Variants in PCNX1 observed in about 807,000 individuals in gnomAD.
PCNX1 encodes the protein pecanex-like protein 1.
In PCNX1, 78 loss-of-function variants were observed where a neutral mutation model predicts 242.2. That is an observed-to-expected ratio of 0.32 (90% CI 0.27 to 0.39). PCNX1 has a LOEUF of 0.39. PCNX1 is among the 10% of genes least tolerant of loss of function. PCNX1 has a pLI of 1.00. For missense variants in PCNX1, 2,581 were observed against 2,856.5 expected, an observed-to-expected ratio of 0.90 and a Z score of 2.20; for synonymous variants, 1,024 against 1,032.9, an observed-to-expected ratio of 0.99 and a Z score of 0.17.
chr14:71,006,105 G>C (rs1262229609), intron 8 of PCNX1, among the ~76,000 whole-genome samples: 1 of 522 alleles, frequency 1.9e-3, no homozygotes, highest in African/African-American at 0.012. Context: ...GTGTGTGTCT[G>C]TGTGTGTGTG....
intron 1 of PCNX1, among the ~76,000 whole-genome samples, chr14:70,918,519 AAG>A (rs2140066406): frequency 6.6e-6 from 1 of 152,360 alleles, no homozygotes; most frequent in Non-Finnish European, 1.5e-5. Context: ...AGTAAAGAAA[AAG>A]TATGAAATAT....
At chr14:71,062,362 T>TTAA in intron 26 of PCNX1, among the ~76,000 whole-genome samples, 2 of 151,814 alleles carry the variant, frequency 1.3e-5, no homozygotes, top group Admixed American at 1.3e-4. Flanking sequence ...TGTTTGTGTC[T>TTAA]TAGTTTTTAA....
intron 16 of PCNX1, among the ~76,000 whole-genome samples, chr14:71,029,410 G>A (rs1279355531): frequency 2.6e-5 from 4 of 152,098 alleles, no homozygotes; most frequent in African/African-American, 7.2e-5. Context: ...AGGGTTGAAA[G>A]GACTATGACA....
chr14:70,932,914 G>A (rs2056861289), intron 1 of PCNX1, among the ~76,000 whole-genome samples: 1 of 151,992 alleles, frequency 6.6e-6, no homozygotes, highest in Non-Finnish European at 1.5e-5. Flanking sequence ...GCCCGGCCAA[G>A]AAGTTTTTAT....
chr14:71,011,750 A>G (rs2059827351), intron 10 of PCNX1: 2 of 548,128 alleles, frequency 3.6e-6, no homozygotes. Context: ...TACAAGGTTA[A>G]GAAACCCTGG....
At chr14:71,028,889 G>A (rs962997680) in intron 16 of PCNX1, 98 bp downstream of exon 16, 22 of 638,570 alleles carry the variant, frequency 3.4e-5, no homozygotes, top group African/African-American at 1.9e-4. Context: ...CCCTGGTATC[G>A]CTTAGCATTA....
chr14:71,086,626 C>T (rs1375018352), intron 28 of PCNX1, among the ~76,000 whole-genome samples: 1 of 152,186 alleles, frequency 6.6e-6, no homozygotes, highest in Admixed American at 6.5e-5. Flanking sequence ...CTTTGTATTC[C>T]ATTCGGATGA....
In PCNX1 at chr14:70,907,616, G is replaced by A; in HGVS notation, c.-235G>A. ...TCAGAAGGCCGGTCTCCTCCTCTCC[G>A]CCGTCCTCCGCCCCGCCGCTCGCCG... On this transcript the variant is annotated 5_prime_UTR_variant, in exon 1 of 36. Transcript: ENST00000304743. 3.6e-6 allele frequency: 1 copy of A among 280,578 alleles called. No individual in the cohort carries two copies. Among genetic ancestry groups the A allele is most frequent in the Non-Finnish European group, 6.2e-6 (1 of 161,332 alleles). 17.4% of individuals were successfully genotyped at this position (280,578 alleles called of 1,614,324 possible). A position where few individuals can be genotyped will look rare whatever the true frequency, so the allele number is the denominator to read the frequency against.
intron 2 of PCNX1, 65 bp downstream of exon 2, chr14:70,947,188 G>A (rs2057491063): frequency 8.6e-7 from 1 of 1,168,088 alleles, no homozygotes; most frequent in Non-Finnish European, 1.3e-6. Flanking sequence ...ATAATGATGT[G>A]ATTATTATAT....
intron 28 of PCNX1, among the ~76,000 whole-genome samples, chr14:71,086,251 G>A (rs1047691297): frequency 6.6e-6 from 1 of 152,148 alleles, no homozygotes; most frequent in Admixed American, 6.6e-5. Flanking sequence ...AGTTAAAATA[G>A]TTGTTTTAAT....
Position 70,978,311 on chromosome 14 carries a change from C to T in PCNX1, c.1974C>T (p.His658=), listed in dbSNP as rs376762232. 125 of 1,614,050 alleles carry T rather than the reference C, an allele frequency of 7.7e-5. No individual in the cohort carries two copies. Among genetic ancestry groups the T allele is most frequent in the Non-Finnish European group, 9.0e-5 (106 of 1,180,026 alleles). The change falls in exon 6 of 36, where the codon CAC becomes CAT. Residue 658 remains histidine (H), a synonymous_variant. Coordinates refer to ENST00000304743, the MANE Select transcript of PCNX1 (RefSeq NM_014982.3). ...THKERGTDSE[H]THKAHLVPEG... ...AAGAAAGGGGCACAGACTCTGAACA[C>T]ACACACAAAGCTCATTTGGTTCCTG...
rs2058726329 is a variant in PCNX1, at chr14:70,977,763, A to T, written c.1426A>T (p.Met476Leu). Reference sequence around the variant, plus strand: ...CAAGGACCCCACCCCCTCTGATGAGATGCACAACCAGAGAGGTCTCAGCAC... The same window carrying T: ...CAAGGACCCCACCCCCTCTGATGAGTTGCACAACCAGAGAGGTCTCAGCAC... ...EAKDPTPSDE[M>L]HNQRGLSTSA... Residue 476 changes from methionine to leucine, a missense_variant, in exon 6 of 36, where the codon ATG becomes TTG. Transcript: ENST00000304743. 1 of 1,614,128 alleles carries T rather than the reference A, an allele frequency of 6.2e-7. No individual in the cohort carries two copies. Among genetic ancestry groups the T allele is most frequent in the African/African-American group, 1.3e-5 (1 of 75,032 alleles).
chr14:70,946,544 A>G (rs530185689), intron 1 of PCNX1, among the ~76,000 whole-genome samples: 3 of 152,258 alleles, frequency 2.0e-5, no homozygotes, highest in Non-Finnish European at 2.9e-5. Context: ...GCCACATTAA[A>G]TAAAAAGAAA....
At position 71,114,580 on chromosome 14, in the gene PCNX1, G is replaced by GAATC. The variant is rs1362081339; in HGVS notation, c.*4648_*4651dup. On this transcript the variant is annotated 3_prime_UTR_variant, in exon 36 of 36. Transcript: ENST00000304743. ...GAACTTCATTATCTGCCATTTTGTGGAATCAACCTTACATTCTTTGGTGGA... is the reference window on the plus strand; with the variant it reads ...GAACTTCATTATCTGCCATTTTGTGGAATCAATCAACCTTACATTCTTTGGTGGA... The GAATC allele has an allele frequency of 1.3e-5, 2 of 152,560 alleles. No homozygotes were observed. Among genetic ancestry groups the GAATC allele is most frequent in the African/African-American group, 4.8e-5 (2 of 41,428 alleles). 9.5% of individuals were successfully genotyped at this position (152,560 alleles called of 1,614,324 possible).
chr14:70,974,751 ATGTC>A (rs530619464), intron 5 of PCNX1, among the ~76,000 whole-genome samples: 168 of 152,322 alleles, frequency 1.1e-3, no homozygotes, highest in African/African-American at 4.0e-3. Flanking sequence ...CATGAGCAGT[ATGTC>A]TTTCTTATTC....
At chr14:70,939,028 T>G (rs2057125407) in intron 1 of PCNX1, among the ~76,000 whole-genome samples, 1 of 152,212 alleles carries the variant, frequency 6.6e-6, no homozygotes, top group Admixed American at 6.5e-5. Flanking sequence ...CTTTTCTTCT[T>G]TATTAGTCTT....
intron 1 of PCNX1, among the ~76,000 whole-genome samples, chr14:70,909,703 T>C (rs1189060435): frequency 6.6e-6 from 1 of 152,192 alleles, no homozygotes; most frequent in African/African-American, 2.4e-5. Context: ...ACATTGAGTT[T>C]ACTTCCTTCA....
intron 28 of PCNX1, chr14:71,078,790 T>C (rs545368031): frequency 6.6e-6 from 1 of 152,376 alleles, no homozygotes; most frequent in East Asian, 1.9e-4. Context: ...AGATTTTCTC[T>C]TTATTACTGG....
chr14:71,102,280 AT>A (rs564636619), intron 31 of PCNX1, 60 bp downstream of exon 31: 20,847 of 968,468 alleles, frequency 0.022, 1 homozygote, highest in South Asian at 0.026. Flanking sequence ...TTGATCTAAA[AT>A]TTTTTTTTTT....
Sources: allele counts gnomAD v4.1 joint callset (sites outside exome capture counted in the v4.1 genomes callset), GRCh38; gene constraint gnomAD v4.1.1; transcripts MANE v1.5; gene names NCBI Gene and HGNC (gene_info 2026-07-23, HGNC 2026-07-21).